DLGAP4: variants seen among roughly 807,000 people sequenced by gnomAD.
The protein encoded by DLGAP4 is disks large-associated protein 4.
A neutral mutation model predicts 86.9 loss-of-function variants in DLGAP4; 18 were observed. That is an observed-to-expected ratio of 0.21 (90% CI 0.14 to 0.31). DLGAP4 has a LOEUF of 0.31. DLGAP4 is among the 10% of genes least tolerant of loss of function. The pLI, the probability that DLGAP4 is intolerant of heterozygous loss-of-function variation, is 1.00. For missense variants in DLGAP4, 1,085 were observed against 1,362.6 expected, an observed-to-expected ratio of 0.80 and a Z score of 3.21; for synonymous variants, 548 against 574.3, an observed-to-expected ratio of 0.95 and a Z score of 0.65.
chr20:36,368,045 C>T (rs552276093), intron 2 of DLGAP4, among the ~76,000 whole-genome samples: 3 of 152,336 alleles, frequency 2.0e-5, no homozygotes, highest in African/African-American at 7.2e-5. Context: ...CTTAGCTCTG[C>T]AAGGACAAAG....
chr20:36,491,642 T>G, intron 7 of DLGAP4, among the ~76,000 whole-genome samples: 1 of 150,016 alleles, frequency 6.7e-6, no homozygotes, highest in African/African-American at 2.5e-5. Flanking sequence ...GGAAGGGGTA[T>G]GCTGAGGGGG....
chr20:36,433,444 G>T (rs2033181850), intron 3 of DLGAP4, among the ~76,000 whole-genome samples: 1 of 152,194 alleles, frequency 6.6e-6, no homozygotes, highest in African/African-American at 2.4e-5. Flanking sequence ...ACATCACCGT[G>T]GCTGCACATT....
chr20:36,405,428 T>G (rs2032289287), intron 2 of DLGAP4, among the ~76,000 whole-genome samples: 1 of 152,152 alleles, frequency 6.6e-6, no homozygotes, highest in Non-Finnish European at 1.5e-5. Context: ...CATGAGGCAG[T>G]GTAAGTGTTA....
At chr20:36,413,140 T>C (rs562140451) in intron 2 of DLGAP4, among the ~76,000 whole-genome samples, 6 of 151,520 alleles carry the variant, frequency 4.0e-5, no homozygotes, top group South Asian at 2.1e-4. Flanking sequence ...CCACCACACC[T>C]GGCTATTTTT....
chr20:36,333,095 G>A (rs1038718178), intron 1 of DLGAP4, among the ~76,000 whole-genome samples: 34 of 152,144 alleles, frequency 2.2e-4, no homozygotes, highest in Admixed American at 2.0e-3. Context: ...CTTAACGACT[G>A]AACATTTGTT....
intron 1 of DLGAP4, among the ~76,000 whole-genome samples, chr20:36,330,540 G>C (rs1380452156): frequency 1.3e-5 from 2 of 150,044 alleles, no homozygotes; most frequent in African/African-American, 5.0e-5. Context: ...GGTAGCTGAG[G>C]CTTCAGTGAC....
At chr20:36,358,788 A>G (rs1344937919) in intron 1 of DLGAP4, among the ~76,000 whole-genome samples, 4 of 152,216 alleles carry the variant, frequency 2.6e-5, no homozygotes, top group Non-Finnish European at 5.9e-5. Flanking sequence ...AGCCTGGGCA[A>G]CAGAGTGAGA....
At chr20:36,417,007 C>T (rs913746658) in intron 2 of DLGAP4, among the ~76,000 whole-genome samples, 1 of 152,130 alleles carries the variant, frequency 6.6e-6, no homozygotes, top group Admixed American at 6.5e-5. Flanking sequence ...GAAACAGGTG[C>T]GGTCCCTCCC....
intron 7 of DLGAP4, among the ~76,000 whole-genome samples, chr20:36,487,498 G>T (rs571491179): frequency 2.0e-5 from 3 of 152,192 alleles, no homozygotes; most frequent in Admixed American, 1.3e-4. Context: ...AGCCTTCCTT[G>T]GATCTCCTTT....
At chr20:36,492,025 G>A (rs541806326) in intron 7 of DLGAP4, among the ~76,000 whole-genome samples, 20 of 152,274 alleles carry the variant, frequency 1.3e-4, no homozygotes, top group South Asian at 6.2e-4. Context: ...GACGGCAGTC[G>A]GGAGGCTCTC....
chr20:36,387,015 G>C (rs554989884), intron 2 of DLGAP4, among the ~76,000 whole-genome samples: 1 of 152,256 alleles, frequency 6.6e-6, no homozygotes, highest in East Asian at 1.9e-4. Flanking sequence ...TATTTCAGTG[G>C]TTCTGGTTCT....
chr20:36,376,755 G>A (rs1304078442), intron 2 of DLGAP4, among the ~76,000 whole-genome samples: 1 of 152,158 alleles, frequency 6.6e-6, no homozygotes, highest in Non-Finnish European at 1.5e-5. Context: ...GAGACTTAGA[G>A]CAGCAGCCTG....
chr20:36,442,540 GC>G (rs1276334172), intron 5 of DLGAP4, among the ~76,000 whole-genome samples, 186 bp from the exon 6 acceptor site: 1 of 152,196 alleles, frequency 6.6e-6, no homozygotes, highest in Admixed American at 6.5e-5. Flanking sequence ...GTAATGCCCA[GC>G]CCCAGAAGGA....
At chr20:36,504,860 A>G (rs1365725464) in intron 10 of DLGAP4, among the ~76,000 whole-genome samples, 1 of 152,122 alleles carries the variant, frequency 6.6e-6, no homozygotes, top group African/African-American at 2.4e-5. Flanking sequence ...TCTTTTTGTT[A>G]CTGAGTTGTA....
At chr20:36,394,369 C>T (rs2031879075) in intron 2 of DLGAP4, among the ~76,000 whole-genome samples, 1 of 152,190 alleles carries the variant, frequency 6.6e-6, no homozygotes, top group African/African-American at 2.4e-5. Context: ...CGACTCTGCC[C>T]TGCGACTCTG....
Position 36,378,575 on chromosome 20 carries a change from T to G in DLGAP4, c.-73+11300T>G, listed in dbSNP as rs1259437918. Among the ~76,000 whole-genome samples the G allele has an allele frequency of 2.0e-5, 3 of 152,174 alleles. No individual in the cohort carries two copies. The East Asian group carries it at 5.8e-4, about 29-fold the overall frequency. On this transcript the variant is annotated intron_variant, in intron 2 of 12. Transcript: ENST00000339266. ...GTAAGGACAGGCAGAGGCTGCCACA[T>G]CCAGGGTAGAATGTAGACACCAGTC...
At chr20:36,525,288 G>C (rs2037675406) in intron 11 of DLGAP4, among the ~76,000 whole-genome samples, 1 of 136,084 alleles carries the variant, frequency 7.3e-6, no homozygotes, top group Admixed American at 7.7e-5. Flanking sequence ...TGGTGGCTTG[G>C]CTTTCTCCCT....
chr20:36,339,924 G>T (rs1253772027), intron 1 of DLGAP4, among the ~76,000 whole-genome samples: 1 of 152,222 alleles, frequency 6.6e-6, no homozygotes, highest in Non-Finnish European at 1.5e-5. Flanking sequence ...CTGGACCTCC[G>T]GCAAGAGGTG....
chr20:36,402,395 G>A (rs1010401796), intron 2 of DLGAP4, among the ~76,000 whole-genome samples: 1 of 152,180 alleles, frequency 6.6e-6, no homozygotes, highest in Non-Finnish European at 1.5e-5. Flanking sequence ...TGCGTGTCAA[G>A]TGTCTGTTGG....
Sources: gnomAD v4.1 joint callset for allele counts (sites outside exome capture counted in the v4.1 genomes callset) on GRCh38, gnomAD v4.1.1 for gene constraint, MANE v1.5 for transcripts, NCBI Gene and HGNC (gene_info 2026-07-23, HGNC 2026-07-21) for gene names.